ENHO: variants seen among roughly 807,000 people sequenced by gnomAD.
ENHO encodes energy homeostasis associated, also known as adropin.
A neutral mutation model predicts 4.1 loss-of-function variants in ENHO; 5 were observed. That is an observed-to-expected ratio of 1.23 (90% confidence interval 0.64 to 2.58). ENHO has a LOEUF of 2.58. ENHO is among the 30% of genes most tolerant of loss of function. ENHO has a pLI of 0.01. For missense variants in ENHO, 86 were observed against 97.7 expected (o/e 0.88, Z 0.51); for synonymous variants, 45 against 42.9 (o/e 1.05, Z -0.19).
rs1173541886 is a variant in ENHO at position 34,521,635 on chromosome 9, A to G, written c.61T>C (p.Phe21Leu). ...ATGACCCAGAGCAGCAGCAGCAAGA[A>G]GCCCACGAGACCGTTGCAGACGATG... Reference protein sequence around the residue: ...IAIVCNGLVGFLLLLLWVILC... With the variant: ...IAIVCNGLVGLLLLLLWVILC... Residue 21 changes from phenylalanine (F) to leucine (L), a missense_variant, in exon 2 of 2, where the codon TTC becomes CTC. Phe to Leu is a conservative substitution (Grantham distance 22). Coordinates refer to ENST00000399775, the MANE Select transcript of ENHO (RefSeq NM_198573.3). 11 of 1,613,908 alleles carry G rather than the reference A, an allele frequency of 6.8e-6. No homozygotes were observed. Among genetic ancestry groups the G allele is most frequent in the Non-Finnish European group, 9.3e-6 (11 of 1,180,034 alleles).
In ENHO at chr9:34,521,227, T is replaced by C. The variant is rs374071200; in HGVS notation, c.*238A>G. The C allele has an allele frequency of 2.8e-4, 181 of 650,840 alleles. No homozygotes were observed. In the East Asian group the frequency reaches 2.9e-3, roughly 10 times the overall value. 40.3% of individuals were successfully genotyped at this position (650,840 alleles called of 1,614,324 possible). A position where few individuals can be genotyped will look rare whatever the true frequency, so the allele number is the denominator to read the frequency against. On this transcript the variant is annotated 3_prime_UTR_variant, in exon 2 of 2. Transcript: ENST00000399775. ...GACCCTTGGCCCTTGGGATGGAGCATAGTCCAGATGGCCCTGGCTCTAGCA... is the reference window on the plus strand; with the variant it reads ...GACCCTTGGCCCTTGGGATGGAGCACAGTCCAGATGGCCCTGGCTCTAGCA...
Position 34,521,449 on chromosome 9 carries a change from G to T in ENHO, c.*16C>A. On this transcript the variant is annotated 3_prime_UTR_variant, in exon 2 of 2. Coordinates refer to ENST00000399775, the MANE Select transcript of ENHO (RefSeq NM_198573.3). ...GGTGGACTTAGGTCCTGGGCTCCAGGCTAGGCCAGGGGCCTTCAGGGCTGC... is the reference window on the plus strand; with the variant it reads ...GGTGGACTTAGGTCCTGGGCTCCAGTCTAGGCCAGGGGCCTTCAGGGCTGC... 1 of 1,605,852 alleles carries T rather than the reference G, an allele frequency of 6.2e-7. No individual in the cohort carries two copies. The highest frequency in any genetic ancestry group is 1.1e-5 in the South Asian group (1 of 90,934).
In ENHO at chr9:34,521,823, T is replaced by A; in HGVS notation, c.-128A>T. 2.6e-6 allele frequency: 2 copies of A among 778,820 alleles called. No individual in the cohort carries two copies. The highest frequency in any genetic ancestry group is 4.2e-6 in the Non-Finnish European group (2 of 472,082). The allele number at this position is 778,820 out of a possible 1,614,324, so 48.2% of individuals were successfully genotyped here. A position where few individuals can be genotyped will look rare whatever the true frequency, so the allele number is the denominator to read the frequency against. ...TGCTGTCTGCACGCTCAGTGATTCC[T>A]GGGCAGTGGAGATGTCTACCTGCAG... On this transcript the variant is annotated 5_prime_UTR_variant, in exon 2 of 2. Transcript: ENST00000399775.
At position 34,521,323 on chromosome 9, in the gene ENHO, T is replaced by C. The variant is rs1587097829; in HGVS notation, c.*142A>G. 2 of 820,602 alleles carry C rather than the reference T, an allele frequency of 2.4e-6. No homozygotes were observed. The allele number at this position is 820,602 out of a possible 1,614,324, so 50.8% of individuals were successfully genotyped here. A position where few individuals can be genotyped will look rare whatever the true frequency, so the allele number is the denominator to read the frequency against. On this transcript the variant is annotated 3_prime_UTR_variant, in exon 2 of 2. Transcript: ENST00000399775. Reference sequence around the variant, plus strand: ...GAGCTCCTATTGGAGCCAAGCTGGCTAGACTCTGGGCCGCTGGGTCCAGCT... The same window carrying C: ...GAGCTCCTATTGGAGCCAAGCTGGCCAGACTCTGGGCCGCTGGGTCCAGCT...
In ENHO at chr9:34,521,569, A is replaced by G. The variant is rs543909933; in HGVS notation, c.127T>C (p.Ser43Pro). ...GAGTTGGGACTGGATTCAGAGAGAG[A>G]GTCAACGTCGGCAGAGCGAGAATGG... Reference protein sequence around the residue: ...ACHSRSADVDSLSESSPNSSP... With the variant: ...ACHSRSADVDPLSESSPNSSP... The change falls in exon 2 of 2, where the codon TCT becomes CCT. Residue 43 changes from serine to proline, a missense_variant. By Grantham distance (74) the Ser-to-Pro change is moderately conservative. Coordinates refer to ENST00000399775, the MANE Select transcript of ENHO (RefSeq NM_198573.3). The G allele has an allele frequency of 1.9e-6, 3 of 1,613,994 alleles. No homozygotes were observed. The highest frequency in any genetic ancestry group is 2.5e-6 in the Non-Finnish European group (3 of 1,180,022).
chr9:34,521,593 G>C lies in ENHO; in HGVS notation c.103C>G (p.His35Asp), dbSNP rs747610633. Residue 35 changes from histidine (H) to aspartate (D), a missense_variant, in exon 2 of 2, where the codon CAT becomes GAT. Coordinates refer to ENST00000399775, the MANE Select transcript of ENHO (RefSeq NM_198573.3). ...LLWVILCWACHSRSADVDSLS... is the reference protein window; with the variant it reads ...LLWVILCWACDSRSADVDSLS... Reference sequence around the variant, plus strand: ...GAGTCAACGTCGGCAGAGCGAGAATGGCAGGCCCAGCAGAGGATGACCCAG... The same window carrying C: ...GAGTCAACGTCGGCAGAGCGAGAATCGCAGGCCCAGCAGAGGATGACCCAG... 6.2e-7 allele frequency: 1 copy of C among 1,614,054 alleles called. No individual in the cohort carries two copies. The highest frequency in any genetic ancestry group is 8.5e-7 in the Non-Finnish European group (1 of 1,180,032).
chr9:34,521,755 G>GC lies in ENHO; in HGVS notation c.-61dup. 2 of 1,460,916 alleles carry GC rather than the reference G, an allele frequency of 1.4e-6. No homozygotes were observed. Among genetic ancestry groups the GC allele is most frequent in the East Asian group, 4.8e-5 (2 of 41,356 alleles). 90.5% of individuals were successfully genotyped at this position (1,460,916 alleles called of 1,614,324 possible). ...GAGCTGCCTCAATGGTGAGGCCCAT[G>GC]CCGAGGCAGGACTCTGGTATGGCCG... On this transcript the variant is annotated 5_prime_UTR_variant, in exon 2 of 2. Transcript: ENST00000399775.
At position 34,521,578 on chromosome 9, in the gene ENHO, C is replaced by T. The variant is rs377501079; in HGVS notation, c.118G>A (p.Asp40Asn). Residue 40 changes from aspartate to asparagine, a missense_variant, in exon 2 of 2, where the codon GAC becomes AAC. Coordinates refer to ENST00000399775, the MANE Select transcript of ENHO (RefSeq NM_198573.3). The part of the protein sequence containing the change: ...LCWACHSRSA[D>N]VDSLSESSPN... ...CTGGATTCAGAGAGAGAGTCAACGTCGGCAGAGCGAGAATGGCAGGCCCAG... is the reference window on the plus strand; with the variant it reads ...CTGGATTCAGAGAGAGAGTCAACGTTGGCAGAGCGAGAATGGCAGGCCCAG... The T allele has an allele frequency of 6.3e-5, 102 of 1,613,908 alleles. No individual in the cohort carries two copies. Among genetic ancestry groups the T allele is most frequent in the East Asian group, 3.8e-4 (17 of 44,890 alleles).
chr9:34,521,112 C>T lies in ENHO; in HGVS notation c.*353G>A, dbSNP rs903605718. The T allele has an allele frequency of 3.9e-6, 2 of 517,972 alleles. No homozygotes were observed. Among genetic ancestry groups the T allele is most frequent in the African/African-American group, 3.8e-5 (2 of 52,234 alleles). The allele number at this position is 517,972 out of a possible 1,614,324, so 32.1% of individuals were successfully genotyped here. ...CAGGGGAGGGGCCCAGCCTGGACAC[C>T]CTCCTATTATTGCCATGGGTTCCAG... is the stretch of plus-strand genomic sequence containing the variant. On this transcript the variant is annotated 3_prime_UTR_variant, in exon 2 of 2. Coordinates refer to ENST00000399775, the MANE Select transcript of ENHO (RefSeq NM_198573.3).
chr9:34,521,292 G>A lies in ENHO; in HGVS notation c.*173C>T. ...CCCACCCCAGGCCCATCTCCTTAGGGCCACTGAGCTCCTATTGGAGCCAAG... is the reference window on the plus strand; with the variant it reads ...CCCACCCCAGGCCCATCTCCTTAGGACCACTGAGCTCCTATTGGAGCCAAG... On this transcript the variant is annotated 3_prime_UTR_variant, in exon 2 of 2. Coordinates refer to ENST00000399775, the MANE Select transcript of ENHO (RefSeq NM_198573.3). The A allele has an allele frequency of 1.4e-6, 1 of 722,356 alleles. No individual in the cohort carries two copies. Among genetic ancestry groups the A allele is most frequent in the Non-Finnish European group, 2.5e-6 (1 of 404,518 alleles). 44.7% of individuals were successfully genotyped at this position (722,356 alleles called of 1,614,324 possible). A position where few individuals can be genotyped will look rare whatever the true frequency, so the allele number is the denominator to read the frequency against.
At position 34,521,742 on chromosome 9, in the gene ENHO, T is replaced by C. The variant is rs775946206; in HGVS notation, c.-47A>G. ...AGCACAGACAGTGGAGCTGCCTCAA[T>C]GGTGAGGCCCATGCCGAGGCAGGAC... On this transcript the variant is annotated 5_prime_UTR_variant, in exon 2 of 2. Coordinates refer to ENST00000399775, the MANE Select transcript of ENHO (RefSeq NM_198573.3). The C allele has an allele frequency of 6.6e-7, 1 of 1,522,354 alleles. No homozygotes were observed. 94.3% of individuals were successfully genotyped at this position (1,522,354 alleles called of 1,614,324 possible).
In ENHO at chr9:34,521,856, C is replaced by T; in HGVS notation, c.-161G>A. ...GGAGATGTCTACCTGCAGTCCTGAG[C>T]CTGTTGGGGGTATACAGTAAAGGAG... is the stretch of plus-strand genomic sequence containing the variant. On this transcript the variant is annotated splice_region_variant and 5_prime_UTR_variant, in exon 2 of 2. Transcript: ENST00000399775. The T allele has an allele frequency of 1.5e-6, 1 of 653,464 alleles. No homozygotes were observed. The highest frequency in any genetic ancestry group is 2.7e-6 in the Non-Finnish European group (1 of 366,074). 40.5% of individuals were successfully genotyped at this position (653,464 alleles called of 1,614,324 possible).
At position 34,521,649 on chromosome 9, in the gene ENHO, T is replaced by C; in HGVS notation, c.47A>G (p.Asn16Ser). The change falls in exon 2 of 2, where the codon AAC becomes AGC. Residue 16 changes from asparagine (N) to serine (S), a missense_variant. Physicochemically the swap from Asn to Ser is conservative, Grantham distance 46. Coordinates refer to ENST00000399775, the MANE Select transcript of ENHO (RefSeq NM_198573.3). The stretch of plus-strand genomic sequence containing the variant: ...CAGCAGCAAGAAGCCCACGAGACCG[T>C]TGCAGACGATGGCGATGAGGGCCCC... ...SQGALIAIVC[N>S]GLVGFLLLLL... 2 of 1,613,998 alleles carry C rather than the reference T, an allele frequency of 1.2e-6. No individual in the cohort carries two copies. The highest frequency in any genetic ancestry group is 1.7e-6 in the Non-Finnish European group (2 of 1,179,992).
rs932472093 is a variant in ENHO, at chr9:34,522,338, T to C, written c.-162+439A>G. On this transcript the variant is annotated intron_variant, in intron 1 of 1. Coordinates refer to ENST00000399775, the MANE Select transcript of ENHO (RefSeq NM_198573.3). The surrounding 1 kb of genome is among the most constrained non-coding windows in gnomAD (Gnocchi z 4.2). Reference sequence around the variant, plus strand: ...CTTTGTGGAGGCCCTGGCAGGCATGTGCAGGCTCTGTGCGTCCAGGGCTGT... The same window carrying C: ...CTTTGTGGAGGCCCTGGCAGGCATGCGCAGGCTCTGTGCGTCCAGGGCTGT... 1 of 152,736 alleles carries C rather than the reference T, an allele frequency of 6.5e-6. No homozygotes were observed. The highest frequency in any genetic ancestry group is 2.4e-5 in the African/African-American group (1 of 41,460). The allele number at this position is 152,736 out of a possible 1,614,324, so 9.5% of individuals were successfully genotyped here.
In ENHO at chr9:34,521,633, G is replaced by A; in HGVS notation, c.63C>T (p.Phe21=). The A allele has an allele frequency of 1.9e-6, 3 of 1,614,002 alleles. No homozygotes were observed. The highest frequency in any genetic ancestry group is 1.3e-5 in the African/African-American group (1 of 75,052). The change falls in exon 2 of 2, where the codon TTC becomes TTT. Residue 21 remains phenylalanine (F), a synonymous_variant. Coordinates refer to ENST00000399775, the MANE Select transcript of ENHO (RefSeq NM_198573.3). ...IAIVCNGLVG[F]LLLLLWVILC... is the part of the protein sequence containing the mutation. ...GGATGACCCAGAGCAGCAGCAGCAAGAAGCCCACGAGACCGTTGCAGACGA... is the reference window on the plus strand; with the variant it reads ...GGATGACCCAGAGCAGCAGCAGCAAAAAGCCCACGAGACCGTTGCAGACGA...
At position 34,522,158 on chromosome 9, in the gene ENHO, A is replaced by C; in HGVS notation, c.-161-302T>G. The C allele has an allele frequency of 6.4e-6, 1 of 155,356 alleles. No homozygotes were observed. The allele number at this position is 155,356 out of a possible 1,614,324, so 9.6% of individuals were successfully genotyped here. ...TGCCCACCAAGCTTGCAGCCCTCAA[A>C]AGCCCTCTGTTGGTGGGTGGGATCC... On this transcript the variant is annotated intron_variant, in intron 1 of 1. Transcript: ENST00000399775. The surrounding 1 kb of genome is among the most constrained non-coding windows in gnomAD (Gnocchi z 4.2).
Position 34,521,172 on chromosome 9 carries a change from C to A in ENHO, c.*293G>T. The A allele has an allele frequency of 1.8e-6, 1 of 550,632 alleles. No homozygotes were observed. The highest frequency in any genetic ancestry group is 3.3e-6 in the Non-Finnish European group (1 of 305,440). 34.1% of individuals were successfully genotyped at this position (550,632 alleles called of 1,614,324 possible). On this transcript the variant is annotated 3_prime_UTR_variant, in exon 2 of 2. Coordinates refer to ENST00000399775, the MANE Select transcript of ENHO (RefSeq NM_198573.3). ...CCAGCCTAGAGGGCCTAGAGGTGCT[C>A]AGCCTAGGGAAAGAGTGGACCCGGC...
chr9:34,521,336 G>C lies in ENHO; in HGVS notation c.*129C>G, dbSNP rs746789461. 3 of 893,646 alleles carry C rather than the reference G, an allele frequency of 3.4e-6. No homozygotes were observed. The East Asian group carries it at 7.8e-5, about 23-fold the overall frequency. 55.4% of individuals were successfully genotyped at this position (893,646 alleles called of 1,614,324 possible). On this transcript the variant is annotated 3_prime_UTR_variant, in exon 2 of 2. Coordinates refer to ENST00000399775, the MANE Select transcript of ENHO (RefSeq NM_198573.3). ...AGCCAAGCTGGCTAGACTCTGGGCC[G>C]CTGGGTCCAGCTCCAAGCAGGCGGA...
chr9:34,521,436 T>C lies in ENHO; in HGVS notation c.*29A>G. The C allele has an allele frequency of 6.3e-7, 1 of 1,587,184 alleles. No individual in the cohort carries two copies. The highest frequency in any genetic ancestry group is 8.6e-7 in the Non-Finnish European group (1 of 1,160,118). ...AGGCTCTAGGTGAGGTGGACTTAGG[T>C]CCTGGGCTCCAGGCTAGGCCAGGGG... On this transcript the variant is annotated 3_prime_UTR_variant, in exon 2 of 2. Coordinates refer to ENST00000399775, the MANE Select transcript of ENHO (RefSeq NM_198573.3).
Sources: gnomAD v4.1 joint callset for allele counts on GRCh38, gnomAD v4.1.1 for gene constraint, Gnocchi (gnomAD v3.1) non-coding constraint, MANE v1.5 for transcripts, NCBI Gene and HGNC (gene_info 2026-07-23, HGNC 2026-07-21) for gene names.